Variants in DNAJC1 observed in about 807,000 individuals in gnomAD.
The protein encoded by DNAJC1 is dnaJ homolog subfamily C member 1.
DNAJC1 carries 58 observed loss-of-function variants against 76.6 expected under a neutral mutation model. The ratio of observed to expected loss-of-function variants is 0.76; its 90% CI spans 0.61 to 0.94. The LOEUF (loss-of-function observed/expected upper bound fraction) is 0.94. Among genes scored for constraint, DNAJC1 ranks in the 40% least tolerant of loss-of-function variants. The pLI, the probability that DNAJC1 is intolerant of heterozygous loss-of-function variation, is 0.00. For synonymous variants in DNAJC1, 258 were observed against 267.9 expected, an observed-to-expected ratio of 0.96 and a Z score of 0.36; for missense variants, 689 against 677.3, an observed-to-expected ratio of 1.02 and a Z score of -0.19.
chr10:21,909,230 G>C (rs1836813289), intron 6 of DNAJC1, among the ~76,000 whole-genome samples: 1 of 152,276 alleles, frequency 6.6e-6, no homozygotes, highest in African/African-American at 2.4e-5. Context: ...TGCCTTCATA[G>C]ACATCAAACA....
chr10:21,987,168 T>A (rs1352690142), intron 1 of DNAJC1, among the ~76,000 whole-genome samples: 1 of 152,172 alleles, frequency 6.6e-6, no homozygotes. Context: ...TAAAATTATG[T>A]TTAATGGGAA....
intron 7 of DNAJC1, among the ~76,000 whole-genome samples, chr10:21,903,194 C>G (rs539616248): frequency 6.6e-6 from 1 of 152,334 alleles, no homozygotes; most frequent in Admixed American, 6.5e-5. Context: ...GCTGGGATTA[C>G]AGGCGTAAGC....
intron 11 of DNAJC1, among the ~76,000 whole-genome samples, chr10:21,758,508 G>A (rs1564778379): frequency 1.3e-5 from 2 of 152,194 alleles, no homozygotes; most frequent in African/African-American, 4.8e-5. Flanking sequence ...ATCTGAGCAG[G>A]CACCAAGAGC....
chr10:21,960,167 C>T (rs1164314084), intron 1 of DNAJC1, among the ~76,000 whole-genome samples: 2 of 152,122 alleles, frequency 1.3e-5, no homozygotes, highest in African/African-American at 2.4e-5. Context: ...TAAAAGCCTC[C>T]AATGGTTTTC....
intron 5 of DNAJC1, 31 bp downstream of exon 5, chr10:21,919,801 C>T (rs770516926): frequency 4.0e-6 from 6 of 1,485,742 alleles, no homozygotes; most frequent in Non-Finnish European, 4.6e-6. Flanking sequence ...AAAACAGCTT[C>T]AAATTATAAA....
intron 8 of DNAJC1, among the ~76,000 whole-genome samples, chr10:21,851,588 A>G (rs934222175): frequency 2.0e-5 from 3 of 152,238 alleles, no homozygotes; most frequent in African/African-American, 4.8e-5. Context: ...GGTACATCAA[A>G]AAGTTAAACA....
intron 8 of DNAJC1, among the ~76,000 whole-genome samples, chr10:21,831,031 TTTC>T (rs1193826522): frequency 6.6e-6 from 1 of 152,170 alleles, no homozygotes; most frequent in Admixed American, 6.5e-5. Context: ...TAATGCCAAT[TTTC>T]TTCTTTGTTG....
chr10:21,846,276 T>C (rs1046046315), intron 8 of DNAJC1, among the ~76,000 whole-genome samples: 2 of 152,198 alleles, frequency 1.3e-5, no homozygotes, highest in Admixed American at 6.5e-5. Context: ...ATTACTATCA[T>C]CCTCTTTTAA....
At chr10:21,798,704 T>C (rs1375827736) in intron 9 of DNAJC1, among the ~76,000 whole-genome samples, 1 of 152,228 alleles carries the variant, frequency 6.6e-6, no homozygotes, top group East Asian at 1.9e-4. Flanking sequence ...CCCTGCTTTA[T>C]TTTTCTTCAT....
intron 6 of DNAJC1, among the ~76,000 whole-genome samples, chr10:21,904,848 T>C (rs1360392601): frequency 1.3e-5 from 2 of 152,164 alleles, no homozygotes; most frequent in African/African-American, 4.8e-5. Flanking sequence ...CTCTCAGATA[T>C]GGAAAGGAGG....
intron 9 of DNAJC1, among the ~76,000 whole-genome samples, chr10:21,770,425 T>C (rs138513588): frequency 0.032 from 4,525 of 140,816 alleles, 111 homozygotes; most frequent in Middle Eastern, 0.072. Context: ...TGAGATGGAG[T>C]CTAGCTCTGT....
chr10:21,780,245 C>T (rs1834509235), intron 9 of DNAJC1, among the ~76,000 whole-genome samples: 1 of 152,110 alleles, frequency 6.6e-6, no homozygotes, highest in South Asian at 2.1e-4. Context: ...ATACAGAGAA[C>T]ACCACAAAGA....
At chr10:21,966,999 TTTC>T (rs1161892037) in intron 1 of DNAJC1, among the ~76,000 whole-genome samples, 6 of 130,748 alleles carry the variant, frequency 4.6e-5, no homozygotes, top group African/African-American at 1.2e-4. Flanking sequence ...TGCCCACCTT[TTTC>T]TTCTTCTTCT....
chr10:21,998,555 T>C (rs1325847957), intron 1 of DNAJC1, among the ~76,000 whole-genome samples: 4 of 152,016 alleles, frequency 2.6e-5, no homozygotes, highest in Non-Finnish European at 5.9e-5. Flanking sequence ...TTTCCTACAC[T>C]CCTCTCTCAT....
chr10:21,834,447 T>G (rs1449444480), intron 8 of DNAJC1, among the ~76,000 whole-genome samples: 2 of 152,108 alleles, frequency 1.3e-5, no homozygotes, highest in Admixed American at 1.3e-4. Flanking sequence ...CGGGTTCATC[T>G]CACTGGGGAG....
At chr10:21,916,774 TG>T (rs1267597424) in intron 6 of DNAJC1, among the ~76,000 whole-genome samples, 2 of 152,252 alleles carry the variant, frequency 1.3e-5, no homozygotes, top group African/African-American at 2.4e-5. Context: ...TGAGAGCAAC[TG>T]AACAGTATTG....
chr10:21,941,125 C>T (rs1378413478), intron 1 of DNAJC1, among the ~76,000 whole-genome samples: 1 of 148,766 alleles, frequency 6.7e-6, no homozygotes, highest in Non-Finnish European at 1.5e-5. Flanking sequence ...AAAAATTAGC[C>T]AGGCGTGGTG....
chr10:21,834,606 C>T (rs986342955), intron 8 of DNAJC1, among the ~76,000 whole-genome samples: 7 of 152,148 alleles, frequency 4.6e-5, no homozygotes, highest in African/African-American at 1.4e-4. Context: ...CCTGGAAAAT[C>T]GGGTCACTCC....
At chr10:21,816,929 T>C (rs996752641) in intron 8 of DNAJC1, among the ~76,000 whole-genome samples, 2 of 137,144 alleles carry the variant, frequency 1.5e-5, no homozygotes, top group African/African-American at 5.4e-5. Context: ...CCGAGGTGGG[T>C]GGATCACAAG....
Sources: gnomAD v4.1 joint callset for allele counts (sites outside exome capture counted in the v4.1 genomes callset) on GRCh38, gnomAD v4.1.1 for gene constraint, MANE v1.5 for transcripts, NCBI Gene and HGNC (gene_info 2026-07-23, HGNC 2026-07-21) for gene names.